The following TRPC4 variants were observed in gnomAD, a reference collection of about 807,000 sequenced individuals.
The protein encoded by TRPC4 is short transient receptor potential channel 4.
In TRPC4, 49 loss-of-function variants were observed where a neutral mutation model predicts 99.4. That is an observed-to-expected ratio of 0.49 (90% CI 0.39 to 0.63). The LOEUF (loss-of-function observed/expected upper bound fraction) is 0.63, where lower values mean the gene tolerates loss of function less well. TRPC4 is among the 20% of genes least tolerant of loss of function. The pLI is 0.00. For synonymous variants in TRPC4, 454 were observed against 425.9 expected, an observed-to-expected ratio of 1.07 and a Z score of -0.81; for missense variants, 898 against 1,152.9, an observed-to-expected ratio of 0.78 and a Z score of 3.20.
rs899816825 is a variant in TRPC4 at position 37,708,433 on chromosome 13, CT to C, written c.898-16099del. On this transcript the variant is annotated intron_variant, in intron 3 of 10. Transcript: ENST00000379705. Reference sequence around the variant, plus strand: ...GTAGTCAAAATATTTACTTATATTTCTGTCAGGATAAATTTACTTTACCCAA... The same window carrying C: ...GTAGTCAAAATATTTACTTATATTTCGTCAGGATAAATTTACTTTACCCAA... Among the ~76,000 whole-genome samples the C allele has an allele frequency of 6.1e-4, 93 of 152,130 alleles. 1 individual carries two copies. The highest frequency in any genetic ancestry group is 2.2e-3 in the African/African-American group (91 of 41,554).
chr13:37,706,720 C>T (rs894026012), intron 3 of TRPC4, among the ~76,000 whole-genome samples: 2 of 146,388 alleles, frequency 1.4e-5, no homozygotes, highest in African/African-American at 5.1e-5. Context: ...TGAGTGAGAA[C>T]ATGCGGTGTT....
chr13:37,863,238 A>G (rs1774251577), intron 1 of TRPC4, among the ~76,000 whole-genome samples: 2 of 151,584 alleles, frequency 1.3e-5, no homozygotes, highest in African/African-American at 4.8e-5. Flanking sequence ...TTACAAACAT[A>G]CTTTTAAATA....
In TRPC4 at chr13:37,683,836, A is replaced by G. The variant is rs531606982; in HGVS notation, c.1234+8163T>C. ...TTCCAGATCCTTCAAGCCATGGGTC[A>G]GGCCTTTATTGGGAAGAGAAGATCT... On this transcript the variant is annotated intron_variant, in intron 4 of 10. Transcript: ENST00000379705. Among the ~76,000 whole-genome samples the G allele has an allele frequency of 4.6e-5, 7 of 152,322 alleles. No individual in the cohort carries two copies. In the South Asian group the frequency reaches 1.4e-3, roughly 32 times the overall value.
intron 1 of TRPC4, among the ~76,000 whole-genome samples, chr13:37,791,544 A>G (rs972723478): frequency 5.3e-5 from 8 of 152,256 alleles, no homozygotes; most frequent in Admixed American, 2.6e-4. Flanking sequence ...ACATATCTGT[A>G]TGTCAAGATT....
chr13:37,808,340 A>G (rs1957584744), intron 1 of TRPC4, among the ~76,000 whole-genome samples: 1 of 152,072 alleles, frequency 6.6e-6, no homozygotes, highest in African/African-American at 2.4e-5. Flanking sequence ...GGAGTAGATG[A>G]TGTGGTACCT....
chr13:37,744,232 A>G (rs1187479970), intron 3 of TRPC4, among the ~76,000 whole-genome samples: 1 of 152,190 alleles, frequency 6.6e-6, no homozygotes, highest in Admixed American at 6.5e-5. Flanking sequence ...GATTTAGGCC[A>G]TATCAATATT....
At chr13:37,856,506 G>A (rs1959175809) in intron 1 of TRPC4, among the ~76,000 whole-genome samples, 1 of 151,174 alleles carries the variant, frequency 6.6e-6, no homozygotes, top group Non-Finnish European at 1.5e-5. Flanking sequence ...TGAGGAGGAG[G>A]GAATAACTCC....
chr13:37,781,367 T>C (rs1305863733), intron 2 of TRPC4, among the ~76,000 whole-genome samples: 2 of 152,104 alleles, frequency 1.3e-5, no homozygotes, highest in African/African-American at 4.8e-5. Flanking sequence ...ATAATATCAT[T>C]GCTATTAGAA....
Position 37,657,121 on chromosome 13 carries a change from C to T in TRPC4, c.1689-1838G>A, listed in dbSNP as rs144726422. Among the ~76,000 whole-genome samples the T allele has an allele frequency of 3.8e-3, 573 of 152,238 alleles. 3 individuals carry two copies. Among genetic ancestry groups the T allele is most frequent in the African/African-American group, 0.013 (544 of 41,534 alleles). On this transcript the variant is annotated intron_variant, in intron 6 of 10. Transcript: ENST00000379705. ...AAAAAATTTCATATTTTTAATTGAGCAACTAATTTTAAGACAGAAAATTTA... is the reference window on the plus strand; with the variant it reads ...AAAAAATTTCATATTTTTAATTGAGTAACTAATTTTAAGACAGAAAATTTA...
intron 3 of TRPC4, among the ~76,000 whole-genome samples, chr13:37,744,827 A>G (rs1955691611): frequency 6.6e-6 from 1 of 152,198 alleles, no homozygotes; most frequent in South Asian, 2.1e-4. Flanking sequence ...AGATAGATGT[A>G]AACAGTCTTT....
chr13:37,638,947 A>G, intron 10 of TRPC4, 93 bp downstream of exon 10: 1 of 1,311,024 alleles, frequency 7.6e-7, no homozygotes, highest in Non-Finnish European at 1.1e-6. Context: ...GCTGGAACAC[A>G]CAGCTGCATT....
At chr13:37,750,776 T>C (rs993974822) in intron 2 of TRPC4, among the ~76,000 whole-genome samples, 3 of 151,988 alleles carry the variant, frequency 2.0e-5, no homozygotes, top group Admixed American at 6.6e-5. Flanking sequence ...TTAAGTATTT[T>C]TCCTAATGCT....
At chr13:37,747,768 A>G (rs8002347) in intron 2 of TRPC4, among the ~76,000 whole-genome samples, 150,619 of 152,270 alleles carry the variant, frequency 0.99, 74,522 homozygotes, top group Middle Eastern at 1. Context: ...GATTTAAAAT[A>G]TCCTTTACAG....
chr13:37,831,777 C>G (rs114384643), intron 1 of TRPC4, among the ~76,000 whole-genome samples: 1 of 152,028 alleles, frequency 6.6e-6, no homozygotes, highest in African/African-American at 2.4e-5. Context: ...TGAAATAATC[C>G]GAGCACAGAG....
intron 1 of TRPC4, among the ~76,000 whole-genome samples, chr13:37,844,080 A>G (rs1054617407): frequency 1.3e-5 from 2 of 152,196 alleles, no homozygotes; most frequent in African/African-American, 4.8e-5. Flanking sequence ...GGAGACTGAT[A>G]TCTGTCTCAT....
intron 3 of TRPC4, among the ~76,000 whole-genome samples, chr13:37,713,584 T>A (rs1954559047): frequency 1.3e-5 from 2 of 152,132 alleles, no homozygotes; most frequent in African/African-American, 4.8e-5. Context: ...TACTTGGTGT[T>A]TTATAAAGGG....
At position 37,639,312 on chromosome 13, in the gene TRPC4, A is replaced by G; in HGVS notation, c.2080-13T>C. ...CAGCAGCTCGCCTCTGAAAAGGAAA[A>G]GGACATTCCTTTCTGGTTATACTGT... On this transcript the variant is annotated splice_polypyrimidine_tract_variant and intron_variant, in intron 8 of 10. Coordinates refer to ENST00000379705, the MANE Select transcript of TRPC4 (RefSeq NM_016179.4). 1.2e-6 allele frequency: 2 copies of G among 1,612,934 alleles called. No homozygotes were observed. The highest frequency in any genetic ancestry group is 1.7e-5 in the Admixed American group (1 of 59,968).
intron 1 of TRPC4, among the ~76,000 whole-genome samples, chr13:37,813,625 G>A (rs1957763380): frequency 6.6e-6 from 1 of 151,840 alleles, no homozygotes; most frequent in Non-Finnish European, 1.5e-5. Context: ...AGATGAACTA[G>A]ATGAGTAGAC....
intron 2 of TRPC4, among the ~76,000 whole-genome samples, chr13:37,765,244 AG>A (rs1956333267): frequency 6.6e-6 from 1 of 151,374 alleles, no homozygotes; most frequent in East Asian, 2.0e-4. Context: ...AGTGTAGACC[AG>A]GTATTAATTC....
Sources: gnomAD v4.1 joint callset for allele counts (sites outside exome capture counted in the v4.1 genomes callset) on GRCh38, gnomAD v4.1.1 for gene constraint, MANE v1.5 for transcripts, NCBI Gene and HGNC (gene_info 2026-07-23, HGNC 2026-07-21) for gene names.